Variants in PLXNA1 observed in about 807,000 individuals in gnomAD.
PLXNA1 encodes the protein plexin-A1.
A neutral mutation model predicts 191.7 loss-of-function variants in PLXNA1; 77 were observed. That is an observed-to-expected ratio of 0.40 (90% confidence interval 0.33 to 0.49). The LOEUF (loss-of-function observed/expected upper bound fraction) is 0.49. Ranked by LOEUF, PLXNA1 falls within the 20% of genes least tolerant of loss-of-function variation. PLXNA1 has a pLI of 0.63. For synonymous variants in PLXNA1, 1,137 were observed against 1,156.4 expected, an observed-to-expected ratio of 0.98 and a Z score of 0.34; for missense variants, 2,110 against 2,660.2, an observed-to-expected ratio of 0.79 and a Z score of 4.55.
At chr3:127,014,143 C>A in intron 11 of PLXNA1, 27 bp downstream of exon 11, 2 of 1,613,048 alleles carry the variant, frequency 1.2e-6, no homozygotes, top group Non-Finnish European at 1.7e-6. Context: ...GCGGGGTGGG[C>A]AGTGGGCGGG....
At chr3:127,018,614 C>A in intron 20 of PLXNA1, 86 bp downstream of exon 20, 2 of 998,850 alleles carry the variant, frequency 2.0e-6, no homozygotes, top group East Asian at 2.6e-5. Flanking sequence ...CCACCGCCGC[C>A]CCCACCCTGC....
At chr3:127,019,992 T>G (rs1340751854) in intron 20 of PLXNA1, among the ~76,000 whole-genome samples, 1 of 152,200 alleles carries the variant, frequency 6.6e-6, no homozygotes, top group South Asian at 2.1e-4. Flanking sequence ...TTGTCTTGCT[T>G]GATCCTGTGG....
Position 127,027,972 on chromosome 3 carries a change from C to T in PLXNA1, c.4395C>T (p.Tyr1465=), listed in dbSNP as rs2079185210. The T allele has an allele frequency of 6.2e-7, 1 of 1,613,702 alleles. No individual in the cohort carries two copies. Among genetic ancestry groups the T allele is most frequent in the Non-Finnish European group, 8.5e-7 (1 of 1,179,986 alleles). The change falls in exon 24 of 32, where the codon TAC becomes TAT. Residue 1465 remains tyrosine (Y), a synonymous_variant. Coordinates refer to ENST00000393409, the MANE Select transcript of PLXNA1 (RefSeq NM_032242.4). The part of the protein sequence containing the change: ...ECAGEPLFML[Y]CAIKQQMEKG... ...CTGGGGAGCCGCTGTTCATGCTGTA[C>T]TGCGCCATCAAGCAGCAGATGGAGA...
intron 10 of PLXNA1, among the ~76,000 whole-genome samples, chr3:127,013,040 C>T (rs1316105314): frequency 6.6e-6 from 1 of 152,162 alleles, no homozygotes; most frequent in Non-Finnish European, 1.5e-5. Context: ...GTCTGGAGCC[C>T]CTTGGCTGAC....
chr3:127,007,087 GGGATC>G (rs1329687158), intron 8 of PLXNA1, among the ~76,000 whole-genome samples: 7 of 152,216 alleles, frequency 4.6e-5, no homozygotes, highest in Non-Finnish European at 7.3e-5. Context: ...GGTGGGGTGG[GGGATC>G]TCTGGGGCAG....
chr3:127,021,827 G>A (rs1482717398), intron 21 of PLXNA1, among the ~76,000 whole-genome samples: 1 of 152,232 alleles, frequency 6.6e-6, no homozygotes, highest in Non-Finnish European at 1.5e-5. Context: ...CTGCCACAGG[G>A]ACTCTGTGGC....
chr3:127,015,067 T>G, intron 14 of PLXNA1, 117 bp from the exon 15 acceptor site: 1 of 1,440,490 alleles, frequency 6.9e-7, no homozygotes, highest in Non-Finnish European at 9.3e-7. Flanking sequence ...CTCCCGGGCA[T>G]GCGGGCTCCT....
At chr3:126,983,538 C>T (rs1239530637) in intron 1 of PLXNA1, among the ~76,000 whole-genome samples, 2 of 146,518 alleles carry the variant, frequency 1.4e-5, no homozygotes, top group Admixed American at 6.8e-5. Context: ...GCGGTCGCGG[C>T]GCCGACGCGG....
At chr3:127,020,072 A>T in intron 20 of PLXNA1, 130 bp from the exon 21 acceptor site, 1 of 1,121,886 alleles carries the variant, frequency 8.9e-7, no homozygotes, top group Non-Finnish European at 1.3e-6. Flanking sequence ...GAGGCACAGT[A>T]GTTTCCTTAA....
intron 25 of PLXNA1, 76 bp from the exon 26 acceptor site, chr3:127,028,917 G>A (rs902051005): frequency 9.6e-6 from 11 of 1,142,246 alleles, no homozygotes; most frequent in African/African-American, 9.1e-5. Context: ...GGCAGGCCCC[G>A]TCCCACTACA....
chr3:127,005,110 C>T lies in PLXNA1; in HGVS notation c.1764C>T (p.Asn588=), dbSNP rs766246674. The T allele has an allele frequency of 3.1e-6, 5 of 1,612,726 alleles. No homozygotes were observed. Among genetic ancestry groups the T allele is most frequent in the Admixed American group, 3.3e-5 (2 of 60,006 alleles). Residue 588 remains asparagine (N), a synonymous_variant, in exon 7 of 32, where the codon AAC becomes AAT. Coordinates refer to ENST00000393409, the MANE Select transcript of PLXNA1 (RefSeq NM_032242.4). ...SQVPLVLQAW[N]VPDLSAGVNC... ...CCCAGCTTGTGCTGCAGGCCTGGAA[C>T]GTGCCTGACCTCTCAGCTGGCGTCA...
At chr3:127,004,004 G>A (rs907937904) in intron 4 of PLXNA1, among the ~76,000 whole-genome samples, 2 of 152,252 alleles carry the variant, frequency 1.3e-5, no homozygotes, top group Admixed American at 1.3e-4. Context: ...GCCCAACCTG[G>A]TAACCTCGTG....
intron 31 of PLXNA1, among the ~76,000 whole-genome samples, chr3:127,033,607 C>T (rs1347008191): frequency 6.6e-6 from 1 of 152,144 alleles, no homozygotes; most frequent in Non-Finnish European, 1.5e-5. Context: ...AGCTGAGGCT[C>T]TCTGGGGAGC....
chr3:127,022,855 G>A, intron 23 of PLXNA1, 37 bp downstream of exon 23: 1 of 1,543,318 alleles, frequency 6.5e-7, no homozygotes. Flanking sequence ...GTCAGAGGCA[G>A]GTGAACAGCG....
In PLXNA1 at chr3:127,014,180, AGC is replaced by A; in HGVS notation, c.2412_2413del (p.His805ProfsTer118). On this transcript the variant is annotated splice_acceptor_variant and coding_sequence_variant, in exon 12 of 32. Transcript: ENST00000393409. LOFTEE classifies it high-confidence loss of function. ...CCGAGCTGACCGCACCCCTCCCCAC[AGC>A]GCACCTCTACAAGTGCCCGGCCCTG... The A allele has an allele frequency of 1.2e-6, 2 of 1,611,018 alleles. No homozygotes were observed. The highest frequency in any genetic ancestry group is 1.7e-6 in the Non-Finnish European group (2 of 1,178,594).
chr3:127,028,961 C>A, intron 25 of PLXNA1, 32 bp from the exon 26 acceptor site: 1 of 1,555,244 alleles, frequency 6.4e-7, no homozygotes, highest in Non-Finnish European at 8.8e-7. Context: ...AGGGCCCCAG[C>A]GGCCCCACCC....
In PLXNA1 at chr3:127,000,622, G is replaced by A. The variant is rs186533932; in HGVS notation, c.1378-2708G>A. Among the ~76,000 whole-genome samples, 576 of 152,310 alleles carry A rather than the reference G, an allele frequency of 3.8e-3. 12 individuals are homozygous for A. The highest frequency in any genetic ancestry group is 0.035 in the Admixed American group (530 of 15,308). ...CGGGTCCAGGGCCCAAGGTTCCTCT[G>A]GCAGGTGCTGTGTGAGTCTCAGCTT... On this transcript the variant is annotated intron_variant, in intron 3 of 31. Transcript: ENST00000393409.
Position 127,017,569 on chromosome 3 carries a change from T to C in PLXNA1, c.3421T>C (p.Ser1141Pro). 1.2e-6 allele frequency: 2 copies of C among 1,613,704 alleles called. No individual in the cohort carries two copies. Among genetic ancestry groups the C allele is most frequent in the Non-Finnish European group, 1.7e-6 (2 of 1,180,008 alleles). ...CGTGCGCTCCCTGCTTGTGCTCAACTCCACCTCCTTCCTCTACTACCCTGA... is the reference window on the plus strand; with the variant it reads ...CGTGCGCTCCCTGCTTGTGCTCAACCCCACCTCCTTCCTCTACTACCCTGA... Reference protein sequence around the residue: ...DNVRSLLVLNSTSFLYYPDPV... With the variant: ...DNVRSLLVLNPTSFLYYPDPV... The change falls in exon 18 of 32, where the codon TCC (serine) becomes CCC (proline). Residue 1141 changes from serine to proline, a missense_variant. Transcript: ENST00000393409.
Position 127,014,503 on chromosome 3 carries a change from A to C in PLXNA1, c.2630A>C (p.Gln877Pro). The stretch of plus-strand genomic sequence containing the variant: ...CTGTCCCCCGAGACGGGCCCGAGGC[A>C]GGGCGGCACGCGGCTCACTATCACA... Reference protein sequence around the residue: ...LKLSPETGPRQGGTRLTITGE... With the variant: ...LKLSPETGPRPGGTRLTITGE... The change falls in exon 13 of 32, where the codon CAG becomes CCG. Residue 877 changes from glutamine to proline, a missense_variant. Physicochemically the swap from Gln to Pro is moderately conservative, Grantham distance 76. Coordinates refer to ENST00000393409, the MANE Select transcript of PLXNA1 (RefSeq NM_032242.4). 6.2e-7 allele frequency: 1 copy of C among 1,605,960 alleles called. No individual in the cohort carries two copies. Among genetic ancestry groups the C allele is most frequent in the Non-Finnish European group, 8.5e-7 (1 of 1,179,690 alleles).
Sources: gnomAD v4.1 joint callset for allele counts (sites outside exome capture counted in the v4.1 genomes callset) on GRCh38, gnomAD v4.1.1 for gene constraint, MANE v1.5 for transcripts, NCBI Gene and HGNC (gene_info 2026-07-23, HGNC 2026-07-21) for gene names.